The following PHF14 variants were observed in gnomAD, a reference collection of about 807,000 sequenced individuals.
The protein encoded by PHF14 is PHD finger protein 14.
Under a neutral mutation model 117.9 loss-of-function variants are expected in PHF14, and 55 were observed. The observed-to-expected ratio is 0.47, with a 90% confidence interval of 0.38 to 0.58. The LOEUF (loss-of-function observed/expected upper bound fraction) is 0.58. Ranked by LOEUF, PHF14 falls within the 20% of genes least tolerant of loss-of-function variation. PHF14 has a pLI of 0.00. For missense variants in PHF14, 978 were observed against 1,122.2 expected, an observed-to-expected ratio of 0.87 and a Z score of 1.84; for synonymous variants, 409 against 368.6, an observed-to-expected ratio of 1.11 and a Z score of -1.26.
intron 7 of PHF14, among the ~76,000 whole-genome samples, chr7:11,030,287 G>A (rs969673804): frequency 3.3e-5 from 5 of 152,020 alleles, no homozygotes; most frequent in Non-Finnish European, 7.4e-5. Context: ...TAAATACTAC[G>A]TAAATACTTG....
intron 14 of PHF14, 109 bp from the exon 15 acceptor site, chr7:11,061,682 C>G (rs1234025444): frequency 1.3e-6 from 1 of 788,648 alleles, no homozygotes. Context: ...TTTGCAAGTG[C>G]CTAACCTAAG....
At chr7:11,077,282 T>C (rs1466474602) in intron 16 of PHF14, among the ~76,000 whole-genome samples, 1 of 151,708 alleles carries the variant, frequency 6.6e-6, no homozygotes, top group Non-Finnish European at 1.5e-5. Flanking sequence ...AGCATTTGAA[T>C]TAACCAGTAG....
rs11560245 is a variant in PHF14 at position 11,122,703 on chromosome 7, C to T, written c.2772+11236C>T. On this transcript the variant is annotated intron_variant, in intron 17 of 17. Transcript: ENST00000634607. The stretch of plus-strand genomic sequence containing the variant: ...ATATGCTGTTGTTAACACGTTTCTC[C>T]TTGGCAAAATGCCATTAACAAATAA... Among the ~76,000 whole-genome samples the T allele has an allele frequency of 9.9e-5, 15 of 151,822 alleles. No homozygotes were observed. The East Asian group carries it at 1.9e-3, about 20-fold the overall frequency.
Position 11,051,763 on chromosome 7 carries a change from A to T in PHF14, c.2464A>T (p.Ile822Phe). 6.2e-7 allele frequency: 1 copy of T among 1,613,324 alleles called. No homozygotes were observed. Among genetic ancestry groups the T allele is most frequent in the Non-Finnish European group, 8.5e-7 (1 of 1,179,556 alleles). The change falls in exon 14 of 18, where the codon ATT (isoleucine) becomes TTT (phenylalanine). Residue 822 changes from isoleucine (I) to phenylalanine (F), a missense_variant. By Grantham distance (21) the Ile-to-Phe change is conservative. Around this residue, in one of 7 missense-constraint regions of PHF14, gnomAD observed 180 missense variants for 195.4 expected, o/e 0.92. Coordinates refer to ENST00000634607, the MANE Select transcript of PHF14 (RefSeq NM_001007157.2). ...GGATGTGCCACCAGAACCCAAGAAG[A>T]TTCCGATAAGAAACACGGTAGTTTA... The part of the protein sequence containing the change: ...PQDVPPEPKK[I>F]PIRNTRTRGR...
At chr7:11,070,561 C>G (rs1366422067) in intron 16 of PHF14, among the ~76,000 whole-genome samples, 1 of 152,184 alleles carries the variant, frequency 6.6e-6, no homozygotes, top group Non-Finnish European at 1.5e-5. Flanking sequence ...TCCTTCTAAG[C>G]CTACATCAGT....
intron 17 of PHF14, among the ~76,000 whole-genome samples, chr7:11,127,840 C>G (rs963072459): frequency 6.6e-6 from 1 of 152,036 alleles, no homozygotes; most frequent in Non-Finnish European, 1.5e-5. Context: ...GAAAATTTCA[C>G]TCACCCATGA....
chr7:11,098,979 T>G (rs573471111), intron 16 of PHF14, among the ~76,000 whole-genome samples: 1 of 152,254 alleles, frequency 6.6e-6, no homozygotes, highest in South Asian at 2.1e-4. Flanking sequence ...TTAAGTAAAT[T>G]TTGTGCTATA....
chr7:11,165,049 C>T (rs1167389029), intron 17 of PHF14, among the ~76,000 whole-genome samples: 8 of 152,142 alleles, frequency 5.3e-5, no homozygotes, highest in Non-Finnish European at 1.2e-4. Flanking sequence ...CTCAGCCTCC[C>T]GAGTAGCTGG....
chr7:11,101,027 T>C (rs904141944), intron 16 of PHF14, among the ~76,000 whole-genome samples: 1 of 151,944 alleles, frequency 6.6e-6, no homozygotes, highest in African/African-American at 2.4e-5. Flanking sequence ...GCATATGAAA[T>C]AAATACAAAG....
At chr7:11,051,433 G>C (rs1018528776) in intron 13 of PHF14, among the ~76,000 whole-genome samples, 179 bp from the exon 14 acceptor site, 1 of 152,052 alleles carries the variant, frequency 6.6e-6, no homozygotes, top group Non-Finnish European at 1.5e-5. Flanking sequence ...TATATTCATA[G>C]TAGTCACTCT....
chr7:11,062,596 G>A (rs1156491902), intron 16 of PHF14: 1 of 614,796 alleles, frequency 1.6e-6, no homozygotes, highest in Non-Finnish European at 2.0e-6. Context: ...TGAAAAGATG[G>A]CCTAGGTTGA....
chr7:11,046,419 T>C (rs927302748), intron 13 of PHF14, among the ~76,000 whole-genome samples: 1 of 152,210 alleles, frequency 6.6e-6, no homozygotes, highest in Non-Finnish European at 1.5e-5. Context: ...TTGAGTAATA[T>C]ATCCTTTTAT....
At chr7:11,004,247 A>T (rs1782991480) in intron 4 of PHF14, among the ~76,000 whole-genome samples, 1 of 116,068 alleles carries the variant, frequency 8.6e-6, no homozygotes, top group East Asian at 2.6e-4. Context: ...ACTTTGTCTC[A>T]AAAAAAAAAA....
At chr7:10,999,714 A>G (rs1782792732) in intron 4 of PHF14, among the ~76,000 whole-genome samples, 1 of 152,210 alleles carries the variant, frequency 6.6e-6, no homozygotes, top group African/African-American at 2.4e-5. Context: ...GTACTGGAAA[A>G]TCTACCTTCT....
In PHF14 at chr7:10,974,907, G is replaced by C. The variant is rs778040913; in HGVS notation, c.74G>C (p.Ser25Thr). 5 of 1,586,254 alleles carry C rather than the reference G, an allele frequency of 3.2e-6. No individual in the cohort carries two copies. Among genetic ancestry groups the C allele is most frequent in the Non-Finnish European group, 4.3e-6 (5 of 1,162,964 alleles). ...CTGCTGGAAGCTCTTGATTATGATAGTTCAGATGACAGTGATTTTAAAGTT... is the reference window on the plus strand; with the variant it reads ...CTGCTGGAAGCTCTTGATTATGATACTTCAGATGACAGTGATTTTAAAGTT... ...ASLLEALDYD[S>T]SDDSDFKVGD... The change falls in exon 2 of 18, where the codon AGT (serine) becomes ACT (threonine). Residue 25 changes from serine to threonine, a missense_variant. Coordinates refer to ENST00000634607, the MANE Select transcript of PHF14 (RefSeq NM_001007157.2).
intron 17 of PHF14, among the ~76,000 whole-genome samples, chr7:11,161,341 T>C (rs1254933842): frequency 6.6e-6 from 1 of 152,252 alleles, no homozygotes; most frequent in African/African-American, 2.4e-5. Flanking sequence ...TGCTGTCATA[T>C]TCTATTAAAG....
chr7:11,006,738 G>A, intron 4 of PHF14: 2 of 681,582 alleles, frequency 2.9e-6, no homozygotes, highest in Non-Finnish European at 5.4e-6. Context: ...CTGCTGGAAG[G>A]TGGGTGACAT....
At chr7:11,097,327 A>G (rs149140593) in intron 16 of PHF14, among the ~76,000 whole-genome samples, 6 of 152,282 alleles carry the variant, frequency 3.9e-5, no homozygotes, top group African/African-American at 1.4e-4. Context: ...ACAATGGAGA[A>G]TTATTATGAC....
chr7:11,152,821 C>T (rs761016715), intron 17 of PHF14, among the ~76,000 whole-genome samples: 22 of 152,228 alleles, frequency 1.4e-4, no homozygotes, highest in African/African-American at 5.1e-4. Flanking sequence ...AACTCACTCA[C>T]TGATACCTGC....
Sources: allele counts gnomAD v4.1 joint callset (sites outside exome capture counted in the v4.1 genomes callset), GRCh38; gene constraint gnomAD v4.1.1; regional missense constraint gnomAD v4.1.1; transcripts MANE v1.5; gene names NCBI Gene and HGNC (gene_info 2026-07-23, HGNC 2026-07-21).